The following ZFYVE26 variants were observed in gnomAD, a reference collection of about 807,000 sequenced individuals.
ZFYVE26 encodes the protein zinc finger FYVE domain-containing protein 26.
ZFYVE26 carries 181 observed loss-of-function variants against 276.5 expected under a neutral mutation model. The ratio of observed to expected loss-of-function variants is 0.65; its 90% confidence interval spans 0.58 to 0.74. The LOEUF (loss-of-function observed/expected upper bound fraction) is 0.74. Ranked by LOEUF, ZFYVE26 falls within the 30% of genes least tolerant of loss-of-function variation. The pLI is 0.00. For missense variants in ZFYVE26, 2,821 were observed against 3,097.9 expected (o/e 0.91, Z 2.12); for synonymous variants, 1,129 against 1,203.1 (o/e 0.94, Z 1.27).
At chr14:67,736,018 T>C (rs972688624) in intron 13 of ZFYVE26, among the ~76,000 whole-genome samples, 24 of 152,210 alleles carry the variant, frequency 1.6e-4, no homozygotes, top group African/African-American at 5.3e-4. Flanking sequence ...GTATTTGGTC[T>C]CTTTTAGTTA....
rs894063195 is a variant in ZFYVE26 at position 67,748,121 on chromosome 14, T to C, written c.*315A>G. 2 of 379,494 alleles carry C rather than the reference T, an allele frequency of 5.3e-6. No homozygotes were observed. Among genetic ancestry groups the C allele is most frequent in the African/African-American group, 2.0e-5 (1 of 49,424 alleles). The allele number at this position is 379,494 out of a possible 1,614,324, so 23.5% of individuals were successfully genotyped here. On this transcript the variant is annotated 3_prime_UTR_variant, in exon 42 of 42. Coordinates refer to ENST00000347230, the MANE Select transcript of ZFYVE26 (RefSeq NM_015346.4). ...GAGAAGAGTTTCATTTGTTCAGAAA[T>C]GCTTGGGCGTAAACATCAGCGCACA...
chr14:67,768,431 G>T, intron 30 of ZFYVE26, 86 bp downstream of exon 30: 1 of 1,452,866 alleles, frequency 6.9e-7, no homozygotes, highest in Non-Finnish European at 9.7e-7. Flanking sequence ...AGTTGGACAA[G>T]TATATCAGTC....
At chr14:67,761,619 C>G in intron 34 of ZFYVE26, 35 bp from the exon 35 acceptor site, 1 of 1,592,668 alleles carries the variant, frequency 6.3e-7, no homozygotes, top group Non-Finnish European at 8.6e-7. Flanking sequence ...AAAAATGAAA[C>G]TCAAAAAGTT....
chr14:67,772,681 T>C (rs2140208311), intron 27 of ZFYVE26, among the ~76,000 whole-genome samples: 1 of 152,312 alleles, frequency 6.6e-6, no homozygotes, highest in South Asian at 2.1e-4. Context: ...ATGCCAGTAA[T>C]CCCAGCACTT....
At chr14:67,741,898 G>A (rs180947088), downstream of ZFYVE26, among the ~76,000 whole-genome samples, 49 of 152,292 alleles carry the variant, frequency 3.2e-4, no homozygotes, top group Middle Eastern at 3.4e-3. Context: ...CTGCTCTCCA[G>A]ATAACTTTTA....
At chr14:67,809,780 CTCTTTT>C (rs1410521029) in intron 3 of ZFYVE26, among the ~76,000 whole-genome samples, 1 of 75,264 alleles carries the variant, frequency 1.3e-5, no homozygotes, top group Non-Finnish European at 2.6e-5. Flanking sequence ...CTATTCTTTT[CTCTTTT>C]TTTTTTTTTT....
At chr14:67,785,356 G>A in intron 18 of ZFYVE26, 79 bp from the exon 19 acceptor site, 4 of 1,316,070 alleles carry the variant, frequency 3.0e-6, no homozygotes, top group Admixed American at 3.9e-5. Flanking sequence ...GACTGGATAT[G>A]TGAACTGTGC....
At chr14:67,745,419 T>G (rs549107556), downstream of ZFYVE26, among the ~76,000 whole-genome samples, 11 of 152,250 alleles carry the variant, frequency 7.2e-5, no homozygotes, top group African/African-American at 2.2e-4. Context: ...CTCTACACAT[T>G]CAGAGAAACT....
At chr14:67,758,080 T>C (rs577463660) in intron 35 of ZFYVE26, among the ~76,000 whole-genome samples, 3 of 152,294 alleles carry the variant, frequency 2.0e-5, no homozygotes, top group East Asian at 1.9e-4. Flanking sequence ...TTAATAATCA[T>C]CTTGGCATTT....
intron 26 of ZFYVE26, among the ~76,000 whole-genome samples, chr14:67,775,609 T>C (rs1403147750): frequency 6.6e-6 from 1 of 152,232 alleles, no homozygotes; most frequent in Non-Finnish European, 1.5e-5. Context: ...ATTTCCAGCA[T>C]ATTTTGCTTT....
rs952742076 is a variant in ZFYVE26, at chr14:67,780,364, A to G, written c.4570-19T>C. 2.5e-6 allele frequency: 4 copies of G among 1,605,760 alleles called. No individual in the cohort carries two copies. The South Asian group carries it at 4.4e-5, about 18-fold the overall frequency. On this transcript the variant is annotated intron_variant, in intron 22 of 41. Transcript: ENST00000347230. ...CCAGAATCTAAGGAAAGACAAGAAAATCCGTCAAACCACACTGCAGCTTCT... is the reference window on the plus strand; with the variant it reads ...CCAGAATCTAAGGAAAGACAAGAAAGTCCGTCAAACCACACTGCAGCTTCT...
chr14:67,769,327 G>A (rs2039141942), intron 29 of ZFYVE26, among the ~76,000 whole-genome samples: 1 of 152,174 alleles, frequency 6.6e-6, no homozygotes, highest in African/African-American at 2.4e-5. Context: ...TCTGTCTGGG[G>A]AAGGGCTAAG....
chr14:67,795,738 C>T (rs902419057), intron 12 of ZFYVE26, among the ~76,000 whole-genome samples: 3 of 151,822 alleles, frequency 2.0e-5, no homozygotes, highest in African/African-American at 7.3e-5. Flanking sequence ...TAAGAAAAGC[C>T]TATAAGTGGA....
chr14:67,768,675 T>C, intron 29 of ZFYVE26, 127 bp from the exon 30 acceptor site: 1 of 901,194 alleles, frequency 1.1e-6, no homozygotes, highest in Admixed American at 1.9e-5. Flanking sequence ...GGTAGAATTG[T>C]TGAATGAAAG....
In ZFYVE26 at chr14:67,798,223, GC is replaced by G; in HGVS notation, c.2038del (p.Ala680LeufsTer6). Reference sequence around the variant, plus strand: ...GAAGGCCCCTATTGCAAATTCATCAGCCAGAAATCCACTGATACCACTAGTA... The same window carrying G: ...GAAGGCCCCTATTGCAAATTCATCAGCAGAAATCCACTGATACCACTAGTA... ...HFTSGISGFL[A>X]DEFAIGAFLR... On this transcript the variant is annotated frameshift_variant, in exon 11 of 42. Transcript: ENST00000347230. LOFTEE classifies it high-confidence loss of function. 6.2e-7 allele frequency: 1 copy of G among 1,614,162 alleles called. No homozygotes were observed. The highest frequency in any genetic ancestry group is 8.5e-7 in the Non-Finnish European group (1 of 1,180,032).
Position 67,781,195 on chromosome 14 carries a change from T to C in ZFYVE26, c.4569+138A>G, listed in dbSNP as rs998066353. The C allele has an allele frequency of 1.9e-4, 188 of 982,550 alleles. 2 individuals are homozygous for C. In the South Asian group the frequency reaches 2.0e-3, roughly 11 times the overall value. 60.9% of individuals were successfully genotyped at this position (982,550 alleles called of 1,614,324 possible). On this transcript the variant is annotated intron_variant, in intron 22 of 41. Transcript: ENST00000347230. Reference sequence around the variant, plus strand: ...CTAGGAGGCCTCCCTGCTGTTCACCTAAGAACTGAAGCCAGATGCAAAGCA... The same window carrying C: ...CTAGGAGGCCTCCCTGCTGTTCACCCAAGAACTGAAGCCAGATGCAAAGCA...
At chr14:67,795,293 A>G (rs2039928221) in intron 12 of ZFYVE26, among the ~76,000 whole-genome samples, 2 of 152,172 alleles carry the variant, frequency 1.3e-5, no homozygotes, top group African/African-American at 2.4e-5. Flanking sequence ...TAGCAACGCA[A>G]CCTTGAAGCT....
At position 67,777,532 on chromosome 14, in the gene ZFYVE26, C is replaced by T. The variant is rs767680043; in HGVS notation, c.4974+27G>A. The T allele has an allele frequency of 3.5e-5, 56 of 1,612,564 alleles. 1 individual carries two copies. Among genetic ancestry groups the T allele is most frequent in the Admixed American group, 3.2e-4 (19 of 59,958 alleles). The stretch of plus-strand genomic sequence containing the variant: ...TCCTTACCTTGGATCCCACATACAG[C>T]GCCTGGATTTCACGGTGTATCCTTA... On this transcript the variant is annotated intron_variant, in intron 25 of 41. Transcript: ENST00000347230.
intron 31 of ZFYVE26, among the ~76,000 whole-genome samples, chr14:67,766,703 CTTCT>C (rs762720105): frequency 1.2e-4 from 18 of 152,106 alleles, no homozygotes; most frequent in Non-Finnish European, 2.5e-4. Context: ...CTCTTACCCA[CTTCT>C]TTATTTTTTT....
Sources: gnomAD v4.1 joint callset for allele counts (sites outside exome capture counted in the v4.1 genomes callset) on GRCh38, gnomAD v4.1.1 for gene constraint, MANE v1.5 for transcripts, NCBI Gene and HGNC (gene_info 2026-07-23, HGNC 2026-07-21) for gene names.